SFMBT2: variants seen among roughly 807,000 people sequenced by gnomAD.
The protein encoded by SFMBT2 is scm-like with four MBT domains protein 2.
A neutral mutation model predicts 110.1 loss-of-function variants in SFMBT2; 38 were observed. That is an observed-to-expected ratio of 0.35 (90% CI 0.27 to 0.45). The LOEUF (loss-of-function observed/expected upper bound fraction) is 0.45, where lower values mean the gene tolerates loss of function less well. Among genes scored for constraint, SFMBT2 ranks in the 20% least tolerant of loss-of-function variants. SFMBT2 has a pLI of 1.00. For synonymous variants in SFMBT2, 425 were observed against 425.4 expected, an observed-to-expected ratio of 1.00 and a Z score of 0.01; for missense variants, 1,011 against 1,094.9, an observed-to-expected ratio of 0.92 and a Z score of 1.08.
chr10:7,321,328 A>G (rs1196691795), intron 4 of SFMBT2, among the ~76,000 whole-genome samples: 1 of 151,508 alleles, frequency 6.6e-6, no homozygotes, highest in Non-Finnish European at 1.5e-5. Flanking sequence ...CAGCCTCCTG[A>G]GTAGCTGGGA....
At chr10:7,393,256 C>G (rs1004648434) in intron 1 of SFMBT2, among the ~76,000 whole-genome samples, 2 of 151,858 alleles carry the variant, frequency 1.3e-5, no homozygotes, top group Admixed American at 6.6e-5. Flanking sequence ...GTCTCAAACT[C>G]CTGACCTCAG....
At chr10:7,211,491 T>C (rs1292039744) in intron 11 of SFMBT2, among the ~76,000 whole-genome samples, 1 of 152,172 alleles carries the variant, frequency 6.6e-6, no homozygotes, top group East Asian at 1.9e-4. Context: ...TCATTCCCAA[T>C]GGACTTACGA....
chr10:7,301,989 G>A lies in SFMBT2; in HGVS notation c.437-16035C>T, dbSNP rs1273618909. Among the ~76,000 whole-genome samples the A allele has an allele frequency of 1.3e-5, 2 of 152,062 alleles. No individual in the cohort carries two copies. The highest frequency in any genetic ancestry group is 2.4e-5 in the African/African-American group (1 of 41,376). ...GTGGACTGGGGGAAGCACAGAGACCGTCATAAGCCTCAATATGGTCCCAGT... is the reference window on the plus strand; with the variant it reads ...GTGGACTGGGGGAAGCACAGAGACCATCATAAGCCTCAATATGGTCCCAGT... On this transcript the variant is annotated intron_variant, in intron 4 of 20. Transcript: ENST00000397167. This position sits in a 1 kb window ranked among gnomAD's most constrained non-coding sequence, Gnocchi z 4.2.
chr10:7,165,652 G>A (rs1011492796), intron 20 of SFMBT2, among the ~76,000 whole-genome samples: 5 of 152,290 alleles, frequency 3.3e-5, no homozygotes, highest in Admixed American at 6.5e-5. Flanking sequence ...TCGAAGCCAC[G>A]TTCAACCAAG....
In SFMBT2 at chr10:7,172,575, G is replaced by A. The variant is rs780440731; in HGVS notation, c.2071C>T (p.Arg691Trp). The A allele has an allele frequency of 5.6e-6, 9 of 1,614,220 alleles. No homozygotes were observed. The highest frequency in any genetic ancestry group is 1.7e-5 in the Admixed American group (1 of 60,032). ...PDSGHPKPAR[R>W]RKRRKSIFVQ... ...AAAATGGATTTCCGTCGCTTCCTCC[G>A]CCTGGCGGGTTTGGGGTGTCCGCTG... The change falls in exon 18 of 21, where the codon CGG (arginine) becomes TGG (tryptophan). Residue 691 changes from arginine to tryptophan, a missense_variant. This residue lies in a region of SFMBT2 where 979 missense variants were observed against 1,016.1 expected (regional missense o/e 0.96). Transcript: ENST00000397167. This position sits in a 1 kb window ranked among gnomAD's most constrained non-coding sequence, Gnocchi z 4.6.
At chr10:7,254,162 A>C (rs1045923262) in intron 7 of SFMBT2, among the ~76,000 whole-genome samples, 2 of 152,216 alleles carry the variant, frequency 1.3e-5, no homozygotes, top group African/African-American at 4.8e-5. Flanking sequence ...CACCCAAGAA[A>C]GGCTTCCATA....
intron 1 of SFMBT2, among the ~76,000 whole-genome samples, chr10:7,391,539 G>C (rs1845765918): frequency 1.3e-5 from 2 of 151,570 alleles, no homozygotes; most frequent in African/African-American, 4.9e-5. Flanking sequence ...GCCACTGGAA[G>C]ACTTCCCCCT....
chr10:7,284,401 G>A (rs1842031686), intron 5 of SFMBT2: 8 of 1,218,744 alleles, frequency 6.6e-6, no homozygotes, highest in Non-Finnish European at 8.2e-6. Flanking sequence ...ATAACAGTTT[G>A]TGCTAAGTTC....
At chr10:7,336,041 C>T (rs7906391) in intron 4 of SFMBT2, among the ~76,000 whole-genome samples, 63,220 of 152,016 alleles carry the variant, frequency 0.42, 14,303 homozygotes, top group African/African-American at 0.61. Flanking sequence ...TCAGGCAGCA[C>T]AGAAAAACTG....
In SFMBT2 at chr10:7,315,112, A is replaced by AAAGAAAG. The variant is rs1564435697; in HGVS notation, c.437-29159_437-29158insCTTTCTT. On this transcript the variant is annotated intron_variant, in intron 4 of 20. Transcript: ENST00000397167. ...AGAAAGAAAGAAAGAAAGAAAGAAA[A>AAAGAAAG]AGCAAGCAAGCAAGCCAGCCAATCC... Among the ~76,000 whole-genome samples, 61 of 109,464 alleles carry AAAGAAAG rather than the reference A, an allele frequency of 5.6e-4. 2 individuals carry two copies. Among genetic ancestry groups the AAAGAAAG allele is most frequent in the East Asian group, 1.8e-3 (7 of 3,950 alleles). 71.8% of individuals were successfully genotyped at this position (109,464 alleles called of 152,430 possible). A position where few individuals can be genotyped will look rare whatever the true frequency, so the allele number is the denominator to read the frequency against.
At chr10:7,345,247 A>G (rs1348350995) in intron 4 of SFMBT2, among the ~76,000 whole-genome samples, 1 of 152,222 alleles carries the variant, frequency 6.6e-6, no homozygotes, top group African/African-American at 2.4e-5. Flanking sequence ...GTAGCTTCAA[A>G]CGACCTCTCT....
intron 15 of SFMBT2, among the ~76,000 whole-genome samples, chr10:7,196,229 C>T (rs982646123): frequency 4.6e-5 from 7 of 152,208 alleles, no homozygotes; most frequent in African/African-American, 1.4e-4. Context: ...ATCCAATTTG[C>T]TCCATCCAAC....
chr10:7,238,568 G>C (rs113281533), intron 9 of SFMBT2, among the ~76,000 whole-genome samples: 2,129 of 152,262 alleles, frequency 0.014, 22 homozygotes, highest in South Asian at 0.046. Context: ...ACGGTTCCCT[G>C]CTTTGTGTCT....
chr10:7,216,428 C>T (rs746038315), intron 11 of SFMBT2, among the ~76,000 whole-genome samples: 13 of 152,132 alleles, frequency 8.5e-5, no homozygotes, highest in African/African-American at 2.4e-4. Flanking sequence ...CTCCTGCCGC[C>T]GCCATGTAAG....
chr10:7,192,698 G>A (rs1286970928), intron 15 of SFMBT2, among the ~76,000 whole-genome samples: 2 of 152,122 alleles, frequency 1.3e-5, no homozygotes, highest in African/African-American at 2.4e-5. Flanking sequence ...ATCCCAAACC[G>A]CCAGGTCCCA....
At chr10:7,197,764 T>C (rs1223282999) in intron 14 of SFMBT2, 77 bp from the exon 15 acceptor site, 4 of 1,528,142 alleles carry the variant, frequency 2.6e-6, no homozygotes, top group Non-Finnish European at 3.5e-6. Context: ...CCTTGCTTCA[T>C]CCACATGGTC....
chr10:7,322,646 C>T (rs1188341618), intron 4 of SFMBT2, among the ~76,000 whole-genome samples: 1 of 151,622 alleles, frequency 6.6e-6, no homozygotes, highest in Non-Finnish European at 1.5e-5. Flanking sequence ...CAGCACAGCA[C>T]AAAAGTAAGG....
intron 4 of SFMBT2, among the ~76,000 whole-genome samples, chr10:7,327,606 A>T (rs1186105647): frequency 6.6e-6 from 1 of 151,732 alleles, no homozygotes; most frequent in Non-Finnish European, 1.5e-5. Flanking sequence ...ACTTGAAGTC[A>T]GGAGATGGAG....
Position 7,170,576 on chromosome 10 carries a change from T to C in SFMBT2, c.2544+352A>G, listed in dbSNP as rs1837843852. ...CTGCCTGGTGGTAAAGAGCCCCCAC[T>C]GTAGAGTCGGTGGAGATGGCAGGGG... On this transcript the variant is annotated intron_variant, in intron 20 of 20. Coordinates refer to ENST00000397167, the MANE Select transcript of SFMBT2 (RefSeq NM_001387889.1). This position sits in a 1 kb window ranked among gnomAD's most constrained non-coding sequence, Gnocchi z 4.6. Among the ~76,000 whole-genome samples, 1 of 152,050 alleles carries C rather than the reference T, an allele frequency of 6.6e-6. No individual in the cohort carries two copies. The highest frequency in any genetic ancestry group is 2.4e-5 in the African/African-American group (1 of 41,408).
Sources: gnomAD v4.1 joint callset for allele counts (sites outside exome capture counted in the v4.1 genomes callset) on GRCh38, gnomAD v4.1.1 for gene constraint, gnomAD v4.1.1 regional missense constraint, Gnocchi (gnomAD v3.1) non-coding constraint, MANE v1.5 for transcripts, NCBI Gene and HGNC (gene_info 2026-07-23, HGNC 2026-07-21) for gene names.